Variants in CEP85L observed in about 807,000 individuals in gnomAD.
CEP85L encodes the protein centrosomal protein of 85 kDa-like.
Under a neutral mutation model 100.3 loss-of-function variants are expected in CEP85L, and 60 were observed. The observed-to-expected ratio is 0.60, with a 90% confidence interval of 0.49 to 0.74. CEP85L has a LOEUF of 0.74. Ranked by LOEUF, CEP85L falls within the 30% of genes least tolerant of loss-of-function variation. The probability of loss-of-function intolerance (pLI) is 0.00; values close to 1 mark genes in which losing one functional copy is unlikely to be tolerated. For missense variants in CEP85L, 973 were observed against 936.2 expected (o/e 1.04, Z -0.51); for synonymous variants, 319 against 322.7 (o/e 0.99, Z 0.12).
At chr6:118,506,099 C>T (rs1775639904) in intron 5 of CEP85L, among the ~76,000 whole-genome samples, 1 of 152,102 alleles carries the variant, frequency 6.6e-6, no homozygotes, top group South Asian at 2.1e-4. Flanking sequence ...GGTGCTTCTA[C>T]TATAATGCAA....
chr6:118,665,296 T>G (rs867969070), intron 1 of CEP85L, among the ~76,000 whole-genome samples: 28 of 152,226 alleles, frequency 1.8e-4, no homozygotes, highest in African/African-American at 6.8e-4. Context: ...GGTGTGTCAT[T>G]TATCAAATGA....
At chr6:118,592,382 C>CA (rs1781241170) in intron 2 of CEP85L, among the ~76,000 whole-genome samples, 1 of 141,022 alleles carries the variant, frequency 7.1e-6, no homozygotes, top group Non-Finnish European at 1.5e-5. Flanking sequence ...TATTTTACCT[C>CA]AAAAGGACTC....
chr6:118,574,624 C>A (rs1780108569), intron 2 of CEP85L, among the ~76,000 whole-genome samples: 1 of 152,204 alleles, frequency 6.6e-6, no homozygotes, highest in East Asian at 1.9e-4. Flanking sequence ...CAGAACCCAC[C>A]CAGTGTGAAG....
rs768685330 is a variant in CEP85L, at chr6:118,483,872, A to G, written c.1438-14T>C. 3.5e-5 allele frequency: 56 copies of G among 1,608,966 alleles called. No homozygotes were observed. The highest frequency in any genetic ancestry group is 4.7e-5 in the Non-Finnish European group (55 of 1,178,180). On this transcript the variant is annotated splice_polypyrimidine_tract_variant and intron_variant, in intron 6 of 12. Coordinates refer to ENST00000368491, the MANE Select transcript of CEP85L (RefSeq NM_001042475.3). ...TCTAGTTTTAAGCTAAAAGCAAACA[A>G]TTATGAACCTTCAGTAGTTTTCAGT...
At chr6:118,477,722 T>G (rs1367509799) in intron 10 of CEP85L, among the ~76,000 whole-genome samples, 1 of 152,144 alleles carries the variant, frequency 6.6e-6, no homozygotes, top group Non-Finnish European at 1.5e-5. Context: ...AGTACCAAGT[T>G]ATCTTTGTCT....
In CEP85L at chr6:118,632,628, G is replaced by GT. The variant is rs763442731; in HGVS notation, c.74-18dup. On this transcript the variant is annotated splice_polypyrimidine_tract_variant and intron_variant, in intron 1 of 12. Coordinates refer to ENST00000368491, the MANE Select transcript of CEP85L (RefSeq NM_001042475.3). Reference sequence around the variant, plus strand: ...AATCTGGGCCTAAAAAGGGAAATATGTAACAGTTAACACATATATCTGAGT... The same window carrying GT: ...AATCTGGGCCTAAAAAGGGAAATATGTTAACAGTTAACACATATATCTGAGT... 2 of 1,601,482 alleles carry GT rather than the reference G, an allele frequency of 1.2e-6. No individual in the cohort carries two copies. The highest frequency in any genetic ancestry group is 1.7e-6 in the Non-Finnish European group (2 of 1,175,686).
intron 2 of CEP85L, among the ~76,000 whole-genome samples, chr6:118,622,006 T>C (rs1346328364): frequency 6.6e-6 from 1 of 152,148 alleles, no homozygotes; most frequent in Non-Finnish European, 1.5e-5. Context: ...AAAATTTATC[T>C]TTATATGTCA....
chr6:118,503,400 A>C (rs528002819), intron 5 of CEP85L, among the ~76,000 whole-genome samples: 1 of 152,280 alleles, frequency 6.6e-6, no homozygotes, highest in South Asian at 2.1e-4. Context: ...AATCCCAACC[A>C]AAATCCTAGC....
rs2114371516 is a variant in CEP85L, at chr6:118,464,515, T to C, written c.*890A>G. ...GGATAAGTAAGCTATTGTTCCAGGGTAACTTTGTTAATCTTCCTTTTATAA... is the reference window on the plus strand; with the variant it reads ...GGATAAGTAAGCTATTGTTCCAGGGCAACTTTGTTAATCTTCCTTTTATAA... On this transcript the variant is annotated 3_prime_UTR_variant, in exon 13 of 13. Coordinates refer to ENST00000368491, the MANE Select transcript of CEP85L (RefSeq NM_001042475.3). 6.6e-6 allele frequency: 1 copy of C among 152,228 alleles called. No individual in the cohort carries two copies. Among genetic ancestry groups the C allele is most frequent in the African/African-American group, 2.4e-5 (1 of 41,576 alleles). The allele number at this position is 152,228 out of a possible 1,614,324, so 9.4% of individuals were successfully genotyped here.
At chr6:118,487,256 C>T (rs568801764) in intron 6 of CEP85L, among the ~76,000 whole-genome samples, 19 of 152,292 alleles carry the variant, frequency 1.2e-4, no homozygotes, top group African/African-American at 4.6e-4. Flanking sequence ...GCAACTGTAA[C>T]ACCCAGTGTA....
At chr6:118,538,080 T>G in intron 3 of CEP85L, 3 of 340,828 alleles carry the variant, frequency 8.8e-6, no homozygotes, top group Non-Finnish European at 1.2e-5. Context: ...ACTGTGCACT[T>G]AATATAAAAT....
chr6:118,701,843 T>G (rs749051162), intron 1 of CEP85L, among the ~76,000 whole-genome samples: 8 of 152,054 alleles, frequency 5.3e-5, no homozygotes, highest in Non-Finnish European at 1.2e-4. Context: ...GAAATTCACA[T>G]GATGGTTCAT....
At chr6:118,616,689 G>A (rs1773072415) in intron 2 of CEP85L, among the ~76,000 whole-genome samples, 1 of 151,064 alleles carries the variant, frequency 6.6e-6, no homozygotes, top group Non-Finnish European at 1.5e-5. Context: ...GCTCATGCCT[G>A]TAATCCCAGC....
chr6:118,519,975 CG>C (rs1270470506), intron 4 of CEP85L, among the ~76,000 whole-genome samples: 1 of 152,096 alleles, frequency 6.6e-6, no homozygotes, highest in African/African-American at 2.4e-5. Context: ...CATAACCAAG[CG>C]GGTATATCCC....
intron 1 of CEP85L, among the ~76,000 whole-genome samples, chr6:118,662,713 G>C (rs968148022): frequency 6.6e-6 from 1 of 152,022 alleles, no homozygotes; most frequent in Non-Finnish European, 1.5e-5. Flanking sequence ...ATATTAAAAA[G>C]TTCAACTTCA....
chr6:118,578,969 C>T (rs998068624), intron 2 of CEP85L, among the ~76,000 whole-genome samples: 1 of 152,096 alleles, frequency 6.6e-6, no homozygotes. Flanking sequence ...GATCTTGGCT[C>T]ACTGTAGCCC....
intron 6 of CEP85L, among the ~76,000 whole-genome samples, chr6:118,490,228 A>C (rs1299303050): frequency 1.3e-5 from 2 of 152,198 alleles, no homozygotes; most frequent in Non-Finnish European, 2.9e-5. Context: ...ATGCATACAA[A>C]GTTTCAATTA....
At position 118,543,306 on chromosome 6, in the gene CEP85L, C is replaced by T. The variant is rs567254181; in HGVS notation, c.1021-19386G>A. ...ATTAGTTTATCTAAGTTTCTGAGGGCCTTTATTCTCTCTTCTTTCAACTTA... is the reference window on the plus strand; with the variant it reads ...ATTAGTTTATCTAAGTTTCTGAGGGTCTTTATTCTCTCTTCTTTCAACTTA... On this transcript the variant is annotated intron_variant, in intron 3 of 12. Coordinates refer to ENST00000368491, the MANE Select transcript of CEP85L (RefSeq NM_001042475.3). Among the ~76,000 whole-genome samples the T allele has an allele frequency of 1.7e-4, 26 of 152,160 alleles. No homozygotes were observed. The South Asian group carries it at 5.2e-3, about 30-fold the overall frequency.
intron 10 of CEP85L, among the ~76,000 whole-genome samples, chr6:118,473,178 T>C (rs1218571759): frequency 6.6e-6 from 1 of 152,118 alleles, no homozygotes; most frequent in Non-Finnish European, 1.5e-5. Flanking sequence ...GATACATCAG[T>C]GAACAAACAG....
Sources: allele counts gnomAD v4.1 joint callset (sites outside exome capture counted in the v4.1 genomes callset), GRCh38; gene constraint gnomAD v4.1.1; transcripts MANE v1.5; gene names NCBI Gene and HGNC (gene_info 2026-07-23, HGNC 2026-07-21).